Variants in KY observed in about 807,000 individuals in gnomAD.
The protein encoded by KY is kyphoscoliosis peptidase.
KY carries 43 observed loss-of-function variants against 76.1 expected under a neutral mutation model. The observed-to-expected ratio is 0.57, with a 90% CI of 0.44 to 0.73. The LOEUF is 0.73. Ranked by LOEUF, KY falls within the 30% of genes least tolerant of loss-of-function variation. The pLI is 0.00. For synonymous variants in KY, 277 were observed against 326.2 expected (o/e 0.85, Z 1.63); for missense variants, 722 against 828.9 (o/e 0.87, Z 1.58).
chr3:134,612,894 A>G (rs1355502049), intron 8 of KY: 1 of 151,910 alleles, frequency 6.6e-6, no homozygotes, highest in Non-Finnish European at 1.5e-5. Context: ...AGGTGATTTT[A>G]ATGTTTTTCT....
chr3:134,609,484 G>C (rs1412013128), intron 9 of KY, among the ~76,000 whole-genome samples: 2 of 152,196 alleles, frequency 1.3e-5, no homozygotes. Flanking sequence ...CCATGTGTGG[G>C]AGTGTCAAGA....
intron 4 of KY, among the ~76,000 whole-genome samples, chr3:134,628,432 G>C (rs1342480211): frequency 2.0e-5 from 3 of 152,228 alleles, no homozygotes; most frequent in African/African-American, 7.2e-5. Context: ...TTGGGTCCCT[G>C]ATGGGATCAG....
Position 134,610,428 on chromosome 3 carries a change from T to G in KY, c.711-45A>C, listed in dbSNP as rs774065784. Reference sequence around the variant, plus strand: ...TCTGAGAGGGGGATCCCGCTGTGGCTTGCCTCCAAGTCTGTCCATGGTCTC... The same window carrying G: ...TCTGAGAGGGGGATCCCGCTGTGGCGTGCCTCCAAGTCTGTCCATGGTCTC... On this transcript the variant is annotated intron_variant, in intron 8 of 10. Transcript: ENST00000423778. 1.9e-6 allele frequency: 3 copies of G among 1,555,296 alleles called. No individual in the cohort carries two copies. In the Admixed American group the frequency reaches 5.3e-5, roughly 28 times the overall value.
intron 9 of KY, 31 bp from the exon 10 acceptor site, chr3:134,608,870 G>T (rs1161921454): frequency 1.3e-6 from 2 of 1,583,746 alleles, no homozygotes; most frequent in Non-Finnish European, 1.7e-6. Context: ...TTAGCAGCCA[G>T]CTCCATGCAG....
intron 6 of KY, 55 bp from the exon 7 acceptor site, chr3:134,620,912 G>T (rs555061632): frequency 4.6e-6 from 5 of 1,091,080 alleles, no homozygotes; most frequent in East Asian, 2.5e-5. Context: ...GCTGTTGGGG[G>T]CCCAGCATCT....
chr3:134,642,831 C>T lies in KY; in HGVS notation c.262+485G>A, dbSNP rs369486329. On this transcript the variant is annotated intron_variant, in intron 3 of 10. Coordinates refer to ENST00000423778, the MANE Select transcript of KY (RefSeq NM_178554.6). ...CCTTGCTGGGGCTCAGACTGCCCAG[C>T]TCTGACTCTTGCTGGCCATGTGATC... Among the ~76,000 whole-genome samples, 8 of 152,346 alleles carry T rather than the reference C, an allele frequency of 5.3e-5. No individual in the cohort carries two copies. In the South Asian group the frequency reaches 8.3e-4, roughly 16 times the overall value.
At chr3:134,643,055 G>A (rs1269553523) in intron 3 of KY, among the ~76,000 whole-genome samples, 1 of 152,200 alleles carries the variant, frequency 6.6e-6, no homozygotes, top group Non-Finnish European at 1.5e-5. Context: ...CAGTAATAGT[G>A]ATGATGATGA....
rs1193672830 is a variant in KY, at chr3:134,600,839, C to A, written c.*2740G>T. On this transcript the variant is annotated 3_prime_UTR_variant, in exon 11 of 11. Coordinates refer to ENST00000423778, the MANE Select transcript of KY (RefSeq NM_178554.6). ...CAGGTTGTCCCCCAGGATGCCCTCACAGCTTGTGCGTGACAAAGATGTCCT... is the reference window on the plus strand; with the variant it reads ...CAGGTTGTCCCCCAGGATGCCCTCAAAGCTTGTGCGTGACAAAGATGTCCT... 3.9e-5 allele frequency: 6 copies of A among 152,292 alleles called. No individual in the cohort carries two copies. The allele number at this position is 152,292 out of a possible 1,614,324, so 9.4% of individuals were successfully genotyped here. A position where few individuals can be genotyped will look rare whatever the true frequency, so the allele number is the denominator to read the frequency against.
intron 8 of KY, among the ~76,000 whole-genome samples, chr3:134,614,088 G>A (rs767686262): frequency 6.6e-6 from 1 of 152,170 alleles, no homozygotes; most frequent in Admixed American, 6.5e-5. Context: ...TATGGGAACT[G>A]TCACTGGAAC....
At chr3:134,627,900 C>T (rs1963682492) in intron 4 of KY, 82 bp from the exon 5 acceptor site, 1 of 1,132,570 alleles carries the variant, frequency 8.8e-7, no homozygotes, top group South Asian at 1.3e-5. Context: ...TTCTGGTGGT[C>T]CTTGCTTTTG....
intron 10 of KY, among the ~76,000 whole-genome samples, chr3:134,604,738 G>A (rs1959132841): frequency 6.6e-6 from 1 of 152,098 alleles, no homozygotes; most frequent in South Asian, 2.1e-4. Flanking sequence ...GAAAGCTAAG[G>A]GGCCTCTAGA....
At chr3:134,622,286 A>G (rs924681142) in intron 6 of KY, among the ~76,000 whole-genome samples, 2 of 152,242 alleles carry the variant, frequency 1.3e-5, no homozygotes, top group Non-Finnish European at 1.5e-5. Context: ...AGCACTATCC[A>G]CAATAGCCAA....
chr3:134,607,169 C>CG, intron 10 of KY: 1 of 985,450 alleles, frequency 1.0e-6, no homozygotes, highest in African/African-American at 1.7e-5. Flanking sequence ...ATACATTGAA[C>CG]AAGCCCTGCA....
intron 3 of KY, among the ~76,000 whole-genome samples, chr3:134,642,536 T>TAG (rs5852792): frequency 0.56 from 84,778 of 151,698 alleles, 24,849 homozygotes; most frequent in East Asian, 0.89. Context: ...CAGTCAACTG[T>TAG]AGTCAGTGAT....
chr3:134,638,147 T>G (rs532727326), intron 3 of KY, among the ~76,000 whole-genome samples: 2 of 152,170 alleles, frequency 1.3e-5, no homozygotes, highest in Non-Finnish European at 2.9e-5. Context: ...AGGGCACCAC[T>G]GGGAGGCTTT....
At position 134,635,281 on chromosome 3, in the gene KY, G is replaced by A. The variant is rs1290872458; in HGVS notation, c.263-5586C>T. Among the ~76,000 whole-genome samples the A allele has an allele frequency of 1.3e-5, 2 of 152,084 alleles. 1 individual carries two copies. The highest frequency in any genetic ancestry group is 2.9e-5 in the Non-Finnish European group (2 of 68,008). On this transcript the variant is annotated intron_variant, in intron 3 of 10. Coordinates refer to ENST00000423778, the MANE Select transcript of KY (RefSeq NM_178554.6). ...GGAGGCCGAGGTGGGTGGATCACTT[G>A]AGGTCAGGAGTTTGAGACAAGCCTG...
At chr3:134,609,700 G>T (rs918714409) in intron 9 of KY, among the ~76,000 whole-genome samples, 1 of 152,096 alleles carries the variant, frequency 6.6e-6, no homozygotes, top group Admixed American at 6.6e-5. Flanking sequence ...ACCCTGCACC[G>T]CCAATAGCAC....
At chr3:134,636,698 G>T (rs1419049030) in intron 3 of KY, among the ~76,000 whole-genome samples, 1 of 152,228 alleles carries the variant, frequency 6.6e-6, no homozygotes, top group Non-Finnish European at 1.5e-5. Flanking sequence ...GCTCGTAAAT[G>T]CTTATTGTCT....
chr3:134,642,892 C>T (rs567471355), intron 3 of KY, among the ~76,000 whole-genome samples: 7 of 152,188 alleles, frequency 4.6e-5, no homozygotes, highest in Non-Finnish European at 8.8e-5. Context: ...CCTCAGTTTA[C>T]TCATCTGTAA....
Sources: gnomAD v4.1 joint callset for allele counts (sites outside exome capture counted in the v4.1 genomes callset) on GRCh38, gnomAD v4.1.1 for gene constraint, MANE v1.5 for transcripts, NCBI Gene and HGNC (gene_info 2026-07-23, HGNC 2026-07-21) for gene names.